The following PRDM16 variants were observed in gnomAD, a reference collection of about 807,000 sequenced individuals.
PRDM16 encodes the protein PR/SET domain 16.
Under a neutral mutation model 110.6 loss-of-function variants are expected in PRDM16, and 23 were observed. The ratio of observed to expected loss-of-function variants is 0.21; its 90% CI spans 0.15 to 0.29. The LOEUF is 0.29. Ranked by LOEUF, PRDM16 falls within the 10% of genes least tolerant of loss-of-function variation. The pLI, the probability that PRDM16 is intolerant of heterozygous loss-of-function variation, is 1.00. For synonymous variants in PRDM16, 799 were observed against 781.8 expected, an observed-to-expected ratio of 1.02 and a Z score of -0.37; for missense variants, 1,615 against 1,794.3, an observed-to-expected ratio of 0.90 and a Z score of 1.81.
chr1:3,098,763 C>A (rs1642465962), intron 1 of PRDM16, among the ~76,000 whole-genome samples: 1 of 152,190 alleles, frequency 6.6e-6, no homozygotes, highest in Admixed American at 6.5e-5. Flanking sequence ...CGGGGGCTTC[C>A]CTCTGATGCC....
chr1:3,129,465 G>A (rs895829983), intron 1 of PRDM16, among the ~76,000 whole-genome samples: 1 of 149,790 alleles, frequency 6.7e-6, no homozygotes, highest in Non-Finnish European at 1.5e-5. Context: ...GTGTGTGCAT[G>A]TGTGTGTGTG....
At chr1:3,125,935 C>T (rs903549157) in intron 1 of PRDM16, among the ~76,000 whole-genome samples, 31 of 152,172 alleles carry the variant, frequency 2.0e-4, no homozygotes, top group African/African-American at 4.3e-4. Context: ...ATTAGAGGCC[C>T]GAGAGCAATT....
At chr1:3,084,813 C>T (rs1157936310) in intron 1 of PRDM16, among the ~76,000 whole-genome samples, 4 of 152,292 alleles carry the variant, frequency 2.6e-5, no homozygotes, top group African/African-American at 9.6e-5. Flanking sequence ...AAACGCTGAG[C>T]CCTGCAGGCT....
chr1:3,411,661 C>T lies in PRDM16; in HGVS notation c.1464C>T (p.Tyr488=). The part of the protein sequence containing the change: ...LNHASLGFNE[Y]FPSRPHPGSL... ...ACGCCAGCCTGGGCTTCAACGAGTA[C>T]TTTCCCTCCAGGCCGCACCCGGGGA... is the stretch of plus-strand genomic sequence containing the variant. Residue 488 remains tyrosine, a synonymous_variant, in exon 9 of 17, where the codon TAC becomes TAT. Coordinates refer to ENST00000270722, the MANE Select transcript of PRDM16 (RefSeq NM_022114.4). 1 of 1,613,116 alleles carries T rather than the reference C, an allele frequency of 6.2e-7. No individual in the cohort carries two copies. The highest frequency in any genetic ancestry group is 2.2e-5 in the East Asian group (1 of 44,860).
intron 2 of PRDM16, among the ~76,000 whole-genome samples, chr1:3,198,470 A>C (rs1638536802): frequency 6.6e-6 from 1 of 152,052 alleles, no homozygotes; most frequent in Non-Finnish European, 1.5e-5. Context: ...TGTGCAGGGG[A>C]GCGTGGTCTC....
rs1009007017 is a variant in PRDM16 at position 3,190,819 on chromosome 1, C to T, written c.387+4345C>T. On this transcript the variant is annotated intron_variant, in intron 2 of 16. Coordinates refer to ENST00000270722, the MANE Select transcript of PRDM16 (RefSeq NM_022114.4). This position sits in a 1 kb window ranked among gnomAD's most constrained non-coding sequence, Gnocchi z 5.0. ...TGATTTTCACATTTGTTGAGTAAAT[C>T]ATGACATTTATCATCATGCTGTTTA... 4.6e-5 allele frequency among the ~76,000 whole-genome samples: 7 copies of T among 152,356 alleles called. No individual in the cohort carries two copies. Among genetic ancestry groups the T allele is most frequent in the African/African-American group, 1.4e-4 (6 of 41,582 alleles).
In PRDM16 at chr1:3,086,675, C is replaced by T. The variant is rs564302064; in HGVS notation, c.37+17379C>T. Among the ~76,000 whole-genome samples the T allele has an allele frequency of 4.9e-3, 744 of 152,294 alleles. 2 individuals carry two copies. The highest frequency in any genetic ancestry group is 6.8e-3 in the Non-Finnish European group (464 of 68,026). On this transcript the variant is annotated intron_variant, in intron 1 of 16. Transcript: ENST00000270722. ...AGGCCCGGCCACTGACGCCCTCCAC[C>T]GGAGAGTTTTTGGGTGGAGATTTTC...
intron 2 of PRDM16, among the ~76,000 whole-genome samples, chr1:3,195,307 T>C (rs563556534): frequency 9.9e-4 from 151 of 152,236 alleles, no homozygotes; most frequent in South Asian, 7.7e-3. Flanking sequence ...AAGAATGCCA[T>C]GAAATCCTGC....
intron 5 of PRDM16, among the ~76,000 whole-genome samples, chr1:3,401,590 G>GCA (rs977517569): frequency 6.6e-6 from 1 of 152,000 alleles, no homozygotes; most frequent in Admixed American, 6.6e-5. Context: ...ACCCATTGGC[G>GCA]CACACACACA....
chr1:3,316,997 G>A (rs1356692474), intron 3 of PRDM16, among the ~76,000 whole-genome samples: 1 of 152,132 alleles, frequency 6.6e-6, no homozygotes, highest in East Asian at 1.9e-4. Flanking sequence ...CCAGGAAGCA[G>A]TGACATGGGG....
At position 3,255,494 on chromosome 1, in the gene PRDM16, G is replaced by A. The variant is rs2100232042; in HGVS notation, c.438+11357G>A. Among the ~76,000 whole-genome samples, 1 of 152,310 alleles carries A rather than the reference G, an allele frequency of 6.6e-6. No individual in the cohort carries two copies. Among genetic ancestry groups the A allele is most frequent in the Admixed American group, 6.5e-5 (1 of 15,302 alleles). ...GGGCTCAGAGAGAGGCAAGACAGTG[G>A]GGCGGAGTCCTGGGAGGAGGTGTGG... On this transcript the variant is annotated intron_variant, in intron 3 of 16. Transcript: ENST00000270722. The surrounding 1 kb of genome is among the most constrained non-coding windows in gnomAD (Gnocchi z 4.7).
intron 12 of PRDM16, among the ~76,000 whole-genome samples, chr1:3,422,741 CG>C (rs1638474652): frequency 6.6e-6 from 1 of 152,204 alleles, no homozygotes; most frequent in Non-Finnish European, 1.5e-5. Context: ...GCTCCATCCT[CG>C]GCCTTATTCT....
chr1:3,334,531 A>G (rs1642105815), intron 3 of PRDM16, among the ~76,000 whole-genome samples: 1 of 152,158 alleles, frequency 6.6e-6, no homozygotes, highest in Non-Finnish European at 1.5e-5. Context: ...GGCCGCCATC[A>G]ACTCCTCTTG....
chr1:3,078,332 C>A (rs989236455), intron 1 of PRDM16, among the ~76,000 whole-genome samples: 1 of 152,310 alleles, frequency 6.6e-6, no homozygotes, highest in Non-Finnish European at 1.5e-5. Context: ...CCCGCTGTGG[C>A]GAGTCGGGGC....
At chr1:3,333,606 T>C (rs191373429) in intron 3 of PRDM16, among the ~76,000 whole-genome samples, 1 of 152,186 alleles carries the variant, frequency 6.6e-6, no homozygotes, top group Admixed American at 6.5e-5. Context: ...ATCTAGAACC[T>C]TCTCTTGGCC....
intron 3 of PRDM16, among the ~76,000 whole-genome samples, chr1:3,361,896 G>A (rs1215552393): frequency 6.6e-6 from 1 of 150,744 alleles, no homozygotes; most frequent in Non-Finnish European, 1.5e-5. Flanking sequence ...GGTGAGAAGT[G>A]ACTGCGGTCC....
chr1:3,181,226 A>G lies in PRDM16; in HGVS notation c.38-4899A>G, dbSNP rs1644166169. On this transcript the variant is annotated intron_variant, in intron 1 of 16. Coordinates refer to ENST00000270722, the MANE Select transcript of PRDM16 (RefSeq NM_022114.4). ...CACACGGTCTTACACACGCAGTCTT[A>G]CACACGGTCTTACACACAGTCTTAC... Among the ~76,000 whole-genome samples the G allele has an allele frequency of 3.5e-5, 3 of 86,620 alleles. No homozygotes were observed. The South Asian group carries it at 1.4e-3, about 40-fold the overall frequency. 56.8% of individuals were successfully genotyped at this position (86,620 alleles called of 152,430 possible).
At chr1:3,357,192 G>A (rs777120733) in intron 3 of PRDM16, among the ~76,000 whole-genome samples, 3 of 152,158 alleles carry the variant, frequency 2.0e-5, no homozygotes, top group Admixed American at 6.5e-5. Context: ...GTCCACCTGC[G>A]GGCGGACCTG....
intron 1 of PRDM16, among the ~76,000 whole-genome samples, chr1:3,110,952 T>C (rs1642777727): frequency 6.6e-6 from 1 of 152,206 alleles, no homozygotes; most frequent in Non-Finnish European, 1.5e-5. Context: ...GGCCAGAGAT[T>C]GCCCGGTTCT....
Sources: allele counts gnomAD v4.1 joint callset (sites outside exome capture counted in the v4.1 genomes callset), GRCh38; gene constraint gnomAD v4.1.1; non-coding constraint Gnocchi (gnomAD v3.1); transcripts MANE v1.5; gene names NCBI Gene and HGNC (gene_info 2026-07-23, HGNC 2026-07-21).